BABAM2: variants seen among roughly 807,000 people sequenced by gnomAD.
BABAM2 encodes BRISC and BRCA1-A complex member 2.
A neutral mutation model predicts 54.7 loss-of-function variants in BABAM2; 31 were observed. The observed-to-expected ratio is 0.57, with a 90% CI of 0.43 to 0.77. The LOEUF is 0.77. BABAM2 is among the 30% of genes least tolerant of loss of function. The probability of loss-of-function intolerance (pLI) is 0.00; values close to 1 mark genes in which losing one functional copy is unlikely to be tolerated. For missense variants in BABAM2, 364 were observed against 455.8 expected (o/e 0.80, Z 1.83); for synonymous variants, 167 against 162.9 (o/e 1.03, Z -0.19).
intron 7 of BABAM2, among the ~76,000 whole-genome samples, chr2:28,186,024 G>A (rs191912093): frequency 6.6e-6 from 1 of 152,268 alleles, no homozygotes; most frequent in Admixed American, 6.5e-5. Flanking sequence ...AGGACTTAGT[G>A]TGGGAATGTT....
intron 7 of BABAM2, among the ~76,000 whole-genome samples, chr2:28,137,780 C>T (rs1393722956): frequency 6.6e-6 from 1 of 152,178 alleles, no homozygotes; most frequent in Non-Finnish European, 1.5e-5. Flanking sequence ...TAATTCAAAT[C>T]TCACTGGTAC....
chr2:27,988,021 A>G lies in BABAM2; in HGVS notation c.234A>G (p.Pro78=), dbSNP rs769796449. ...ATATCATTTTCAATGCCCAATACCC[A>G]GAACTGCCTCCCGATTTTATCTTTG... ...KWDIIFNAQY[P]ELPPDFIFGE... Residue 78 remains proline, a synonymous_variant, in exon 4 of 12, where the codon CCA becomes CCG. Coordinates refer to ENST00000379624, the MANE Select transcript of BABAM2 (RefSeq NM_199191.3). The G allele has an allele frequency of 6.2e-7, 1 of 1,613,650 alleles. No individual in the cohort carries two copies.
At chr2:28,008,045 A>T (rs1340824776) in intron 4 of BABAM2, among the ~76,000 whole-genome samples, 1 of 152,154 alleles carries the variant, frequency 6.6e-6, no homozygotes, top group Non-Finnish European at 1.5e-5. Context: ...ATTTTGAATA[A>T]CCCATAATGT....
At chr2:28,121,018 G>C (rs1669021113) in intron 6 of BABAM2, among the ~76,000 whole-genome samples, 1 of 152,156 alleles carries the variant, frequency 6.6e-6, no homozygotes, top group South Asian at 2.1e-4. Context: ...ATTTCCGTTT[G>C]GAGGAACCAA....
intron 7 of BABAM2, among the ~76,000 whole-genome samples, chr2:28,134,898 G>A (rs1429063873): frequency 6.6e-6 from 1 of 152,138 alleles, no homozygotes; most frequent in Non-Finnish European, 1.5e-5. Context: ...AATAGAAAAG[G>A]CATATTAATA....
intron 6 of BABAM2, among the ~76,000 whole-genome samples, chr2:28,083,026 C>T (rs1319900237): frequency 6.6e-6 from 1 of 152,218 alleles, no homozygotes; most frequent in African/African-American, 2.4e-5. Flanking sequence ...CCATCATCCT[C>T]CCCAATTCTG....
chr2:27,992,888 C>G (rs905762214), intron 4 of BABAM2, among the ~76,000 whole-genome samples: 3 of 152,156 alleles, frequency 2.0e-5, no homozygotes, highest in Non-Finnish European at 2.9e-5. Flanking sequence ...CTACCTGTAA[C>G]CCTTCCTGCA....
At chr2:28,161,379 C>T (rs1338630778) in intron 7 of BABAM2, among the ~76,000 whole-genome samples, 2 of 152,060 alleles carry the variant, frequency 1.3e-5, no homozygotes, top group Non-Finnish European at 2.9e-5. Context: ...AGTCAGATGA[C>T]TCCAGGGAAT....
At chr2:28,093,439 A>G (rs752064121) in intron 6 of BABAM2, among the ~76,000 whole-genome samples, 26 of 152,106 alleles carry the variant, frequency 1.7e-4, no homozygotes, top group Admixed American at 7.2e-4. Context: ...ACCAGTCACT[A>G]CCATCTTAGC....
At chr2:28,066,150 C>A (rs1220677025) in intron 6 of BABAM2, among the ~76,000 whole-genome samples, 1 of 149,606 alleles carries the variant, frequency 6.7e-6, no homozygotes. Context: ...CAGAATGAGA[C>A]TCCATCTCAT....
At chr2:28,220,180 C>T (rs1680270526) in intron 7 of BABAM2, among the ~76,000 whole-genome samples, 1 of 152,132 alleles carries the variant, frequency 6.6e-6, no homozygotes, top group Non-Finnish European at 1.5e-5. Context: ...TGTAGCGCAG[C>T]AGCGGAATGT....
chr2:28,241,291 C>G, intron 8 of BABAM2, 32 bp from the exon 9 acceptor site: 1 of 1,594,372 alleles, frequency 6.3e-7, no homozygotes, highest in Non-Finnish European at 8.6e-7. Context: ...AAGATTCCCA[C>G]TCTACTTCTC....
intron 2 of BABAM2, chr2:27,895,978 G>C (rs905575229): frequency 3.3e-5 from 5 of 152,078 alleles, no homozygotes; most frequent in African/African-American, 1.2e-4. Flanking sequence ...GTCATTGGGA[G>C]TGCTATCAAG....
At chr2:27,927,998 C>T (rs1667837169) in intron 2 of BABAM2, among the ~76,000 whole-genome samples, 1 of 151,902 alleles carries the variant, frequency 6.6e-6, no homozygotes, top group Non-Finnish European at 1.5e-5. Context: ...TGCCTGCCAC[C>T]ATGCCTGGTT....
chr2:28,055,209 C>CTT (rs1271636068), intron 6 of BABAM2, among the ~76,000 whole-genome samples: 1 of 152,254 alleles, frequency 6.6e-6, no homozygotes, highest in East Asian at 1.9e-4. Flanking sequence ...GGGAGCTGAA[C>CTT]TTTGAGTATA....
intron 6 of BABAM2, among the ~76,000 whole-genome samples, chr2:28,109,390 T>G (rs568186965): frequency 1.3e-5 from 2 of 151,910 alleles, no homozygotes; most frequent in South Asian, 4.2e-4. Flanking sequence ...GGGTTTCACC[T>G]TGTTAGCCAG....
chr2:28,260,458 C>T (rs532485778), intron 10 of BABAM2, among the ~76,000 whole-genome samples: 11 of 149,494 alleles, frequency 7.4e-5, no homozygotes, highest in South Asian at 4.2e-4. Context: ...CCTACCACCA[C>T]GCCCGGCTAA....
At chr2:27,903,858 T>A (rs183695594) in intron 2 of BABAM2, among the ~76,000 whole-genome samples, 9 of 151,368 alleles carry the variant, frequency 5.9e-5, no homozygotes, top group African/African-American at 1.9e-4. Flanking sequence ...ATCAGCATAT[T>A]TTTTTTTAAT....
At chr2:28,230,417 G>A (rs967378083) in intron 7 of BABAM2, among the ~76,000 whole-genome samples, 17 of 151,886 alleles carry the variant, frequency 1.1e-4, no homozygotes, top group African/African-American at 3.4e-4. Context: ...AAAAGATTTA[G>A]CTAGAAAACA....
Sources: gnomAD v4.1 joint callset for allele counts (sites outside exome capture counted in the v4.1 genomes callset) on GRCh38, gnomAD v4.1.1 for gene constraint, MANE v1.5 for transcripts, NCBI Gene and HGNC (gene_info 2026-07-23, HGNC 2026-07-21) for gene names.